CNTNAP3B: variants seen among roughly 807,000 people sequenced by gnomAD.
The protein encoded by CNTNAP3B is contactin-associated protein-like 3B.
In CNTNAP3B, 25 loss-of-function variants were observed where a neutral mutation model predicts 108.9. The ratio of observed to expected loss-of-function variants is 0.23; its 90% confidence interval spans 0.17 to 0.32. CNTNAP3B has a LOEUF of 0.32. Among genes scored for constraint, CNTNAP3B ranks in the 10% least tolerant of loss-of-function variants. The pLI is 1.00. For synonymous variants in CNTNAP3B, 103 were observed against 473.4 expected (o/e 0.22, Z 10.16); for missense variants, 252 against 1,210.4 (o/e 0.21, Z 11.75).
chr9:42,032,989 T>C lies in CNTNAP3B; in HGVS notation c.391-19464A>G, dbSNP rs536817002. ...TCCTGAAAGGCCCTGTCTTCAGATA[T>C]AGTCACATTCAGGGTTAAGGCTTCA... On this transcript the variant is annotated intron_variant, in intron 3 of 23. Coordinates refer to ENST00000377561, the MANE Select transcript of CNTNAP3B (RefSeq NM_001201380.3). Among the ~76,000 whole-genome samples, 32 of 144,718 alleles carry C rather than the reference T, an allele frequency of 2.2e-4. No homozygotes were observed. The South Asian group carries it at 7.2e-3, about 32-fold the overall frequency. 94.9% of individuals were successfully genotyped at this position (144,718 alleles called of 152,430 possible).
At chr9:41,963,807 T>A (rs1200411351) in intron 11 of CNTNAP3B, among the ~76,000 whole-genome samples, 2 of 152,308 alleles carry the variant, frequency 1.3e-5, no homozygotes, top group African/African-American at 4.8e-5. Context: ...GGGGCCAAGT[T>A]ACTTAACCTC....
intron 1 of CNTNAP3B, among the ~76,000 whole-genome samples, chr9:42,114,959 C>A (rs1451512930): frequency 7.4e-6 from 1 of 135,526 alleles, no homozygotes; most frequent in African/African-American, 3.0e-5. Context: ...GAGGCTGAGG[C>A]AGGAGAATCA....
At chr9:41,939,268 T>A (rs1208055030) in intron 13 of CNTNAP3B, among the ~76,000 whole-genome samples, 2 of 152,304 alleles carry the variant, frequency 1.3e-5, no homozygotes, top group African/African-American at 4.8e-5. Context: ...TCATCACAGA[T>A]TAGGCCATGA....
chr9:41,918,419 A>G (rs150242267), intron 18 of CNTNAP3B, among the ~76,000 whole-genome samples: 10,621 of 116,872 alleles, frequency 0.091, 20 homozygotes, highest in East Asian at 0.13. Context: ...TTTTAATTTT[A>G]TATCAAGTTA....
At chr9:42,013,719 CG>C (rs1454400247) in intron 3 of CNTNAP3B, among the ~76,000 whole-genome samples, 194 bp from the exon 4 acceptor site, 626 of 45,888 alleles carry the variant, frequency 0.014, 12 homozygotes, top group South Asian at 0.065. Context: ...CCATTGTCTA[CG>C]TTTTTTTATT....
At chr9:42,123,629 C>G (rs1452035423) in intron 1 of CNTNAP3B, among the ~76,000 whole-genome samples, 1 of 133,880 alleles carries the variant, frequency 7.5e-6, no homozygotes, top group Non-Finnish European at 1.6e-5. Context: ...CTACCAAGTC[C>G]AAGCCTTCTA....
chr9:41,953,140 C>T (rs536569257), intron 13 of CNTNAP3B, 43 bp downstream of exon 13: 5 of 1,465,942 alleles, frequency 3.4e-6, no homozygotes, highest in South Asian at 1.3e-5. Context: ...AGGGCCGCGC[C>T]CCGGCCTCGT....
At chr9:41,930,775 G>C (rs1211071376) in intron 14 of CNTNAP3B, among the ~76,000 whole-genome samples, 4 of 152,264 alleles carry the variant, frequency 2.6e-5, no homozygotes, top group Admixed American at 1.3e-4. Context: ...GGGAACCTGG[G>C]GTCCTGGTCT....
chr9:42,036,318 C>T (rs1826629844), intron 3 of CNTNAP3B, among the ~76,000 whole-genome samples: 1 of 141,048 alleles, frequency 7.1e-6, no homozygotes, highest in African/African-American at 2.8e-5. Context: ...ATAACCAGAT[C>T]AGTGAATGCA....
intron 1 of CNTNAP3B, among the ~76,000 whole-genome samples, chr9:42,128,155 A>G (rs1363166148): frequency 7.3e-6 from 1 of 137,060 alleles, no homozygotes; most frequent in East Asian, 2.2e-4. Flanking sequence ...CTCCAAGCCG[A>G]AAAAAAAATG....
At chr9:41,928,696 C>T (rs1296208727) in intron 15 of CNTNAP3B, among the ~76,000 whole-genome samples, 2 of 151,900 alleles carry the variant, frequency 1.3e-5, no homozygotes, top group African/African-American at 2.4e-5. Context: ...ATGTATGATG[C>T]TAGTGGGTAA....
intron 10 of CNTNAP3B, among the ~76,000 whole-genome samples, chr9:41,967,046 ATTTTTTGCGTAGCT>A (rs1825300915): frequency 6.7e-6 from 1 of 149,848 alleles, no homozygotes; most frequent in African/African-American, 2.5e-5. Flanking sequence ...GCCCATTGCT[ATTTTTTGCGTAGCT>A]TAAAATTTTG....
rs192845115 is a variant in CNTNAP3B, at chr9:42,111,130, G to A, written c.86-6391C>T. ...GGCCTGGCAACTGAATGTCATGCCT[G>A]TCCTACTGGAAAGGACTGGTTCCAG... On this transcript the variant is annotated intron_variant, in intron 1 of 23. Transcript: ENST00000377561. 8.0e-4 allele frequency among the ~76,000 whole-genome samples: 111 copies of A among 138,642 alleles called. 23 individuals carry two copies. Among genetic ancestry groups the A allele is most frequent in the African/African-American group, 3.0e-3 (104 of 34,970 alleles). 91.0% of individuals were successfully genotyped at this position (138,642 alleles called of 152,430 possible).
intron 11 of CNTNAP3B, among the ~76,000 whole-genome samples, chr9:41,963,394 A>G (rs1331656706): frequency 6.6e-6 from 1 of 151,754 alleles, no homozygotes; most frequent in Non-Finnish European, 1.5e-5. Context: ...AGGAAAAAAA[A>G]GGCTTTTCAG....
chr9:41,963,754 C>T (rs1385904993), intron 11 of CNTNAP3B, among the ~76,000 whole-genome samples: 54 of 151,408 alleles, frequency 3.6e-4, no homozygotes, highest in Non-Finnish European at 4.6e-4. Flanking sequence ...GCTGTGGAGC[C>T]AACCTCCTTA....
Position 41,967,617 on chromosome 9 carries a change from T to C in CNTNAP3B, c.1649+2457A>G, listed in dbSNP as rs1316146308. Among the ~76,000 whole-genome samples the C allele has an allele frequency of 2.6e-5, 4 of 152,408 alleles. No homozygotes were observed. In the East Asian group the frequency reaches 7.7e-4, roughly 29 times the overall value. On this transcript the variant is annotated intron_variant, in intron 10 of 23. Transcript: ENST00000377561. ...TGTTTTCAGGATACTTAAAAGTGAA[T>C]TTTCAGTATTTTCAGGTTTTCAAAA...
chr9:41,945,000 C>T (rs1228985881), intron 13 of CNTNAP3B, among the ~76,000 whole-genome samples: 1 of 151,504 alleles, frequency 6.6e-6, no homozygotes, highest in Admixed American at 6.6e-5. Context: ...ATGCAGCCAA[C>T]AGACACATGA....
chr9:42,112,997 CA>C (rs1429906887), intron 1 of CNTNAP3B, among the ~76,000 whole-genome samples: 1 of 131,952 alleles, frequency 7.6e-6, no homozygotes, highest in Non-Finnish European at 1.6e-5. Context: ...TCTCGTGATC[CA>C]CCTGCCTCAA....
intron 3 of CNTNAP3B, among the ~76,000 whole-genome samples, chr9:42,049,987 A>G (rs1826946186): frequency 2.5e-5 from 1 of 40,660 alleles, no homozygotes; most frequent in Non-Finnish European, 4.6e-5. Flanking sequence ...ACAGGCACAC[A>G]CCACTACAAC....
Sources: gnomAD v4.1 joint callset for allele counts (sites outside exome capture counted in the v4.1 genomes callset) on GRCh38, gnomAD v4.1.1 for gene constraint, MANE v1.5 for transcripts, NCBI Gene and HGNC (gene_info 2026-07-23, HGNC 2026-07-21) for gene names.